The following TSC22D2 variants were observed in gnomAD, a reference collection of about 807,000 sequenced individuals.
TSC22D2 encodes TSC22 domain family member 2.
In TSC22D2, 5 loss-of-function variants were observed where a neutral mutation model predicts 50.1. The observed-to-expected ratio is 0.10, with a 90% CI of 0.05 to 0.21. The LOEUF is 0.21. Among genes scored for constraint, TSC22D2 ranks in the 10% least tolerant of loss-of-function variants. The pLI is 1.00. For synonymous variants in TSC22D2, 501 were observed against 450.1 expected (o/e 1.11, Z -1.43); for missense variants, 1,003 against 1,015.5 (o/e 0.99, Z 0.17).
chr3:150,453,109 T>C (rs1294023936), intron 1 of TSC22D2, among the ~76,000 whole-genome samples: 1 of 152,190 alleles, frequency 6.6e-6, no homozygotes, highest in Non-Finnish European at 1.5e-5. Context: ...ATATTTATAC[T>C]ACCACCATTG....
intron 1 of TSC22D2, among the ~76,000 whole-genome samples, chr3:150,414,297 T>C (rs987928455): frequency 6.6e-6 from 1 of 152,210 alleles, no homozygotes; most frequent in African/African-American, 2.4e-5. Flanking sequence ...GAAAATACAG[T>C]CCTTAAATAT....
chr3:150,458,681 C>G lies in TSC22D2; in HGVS notation c.*45C>G, dbSNP rs1721274436. The G allele has an allele frequency of 1.2e-6, 2 of 1,602,092 alleles. No homozygotes were observed. The highest frequency in any genetic ancestry group is 1.7e-6 in the Non-Finnish European group (2 of 1,174,070). On this transcript the variant is annotated 3_prime_UTR_variant, in exon 3 of 3. Transcript: ENST00000688009. Reference sequence around the variant, plus strand: ...AAGAAAAAAACTGAAAGCAATCTATCCTTGTGTGCCACTGGTGTTCTTTCC... The same window carrying G: ...AAGAAAAAAACTGAAAGCAATCTATGCTTGTGTGCCACTGGTGTTCTTTCC...
At chr3:150,424,232 A>G (rs565694938) in intron 1 of TSC22D2, among the ~76,000 whole-genome samples, 1 of 152,340 alleles carries the variant, frequency 6.6e-6, no homozygotes, top group South Asian at 2.1e-4. Flanking sequence ...TTCTGTAGCC[A>G]TTTAAATTAA....
intron 1 of TSC22D2, among the ~76,000 whole-genome samples, chr3:150,440,336 T>C (rs958380809): frequency 6.6e-6 from 1 of 152,186 alleles, no homozygotes; most frequent in Non-Finnish European, 1.5e-5. Context: ...TCTTTTATTA[T>C]TTGCCAAAAA....
At chr3:150,416,015 A>C (rs1247167427) in intron 1 of TSC22D2, among the ~76,000 whole-genome samples, 4 of 152,204 alleles carry the variant, frequency 2.6e-5, no homozygotes, top group Non-Finnish European at 4.4e-5. Context: ...TTCCTAATAA[A>C]GGAATGGTAG....
intron 1 of TSC22D2, among the ~76,000 whole-genome samples, chr3:150,449,647 T>A (rs1720982831): frequency 6.6e-6 from 1 of 152,154 alleles, no homozygotes; most frequent in African/African-American, 2.4e-5. Flanking sequence ...CCAGAAGCAT[T>A]GCTGTTATAA....
intron 1 of TSC22D2, among the ~76,000 whole-genome samples, chr3:150,442,334 C>T (rs555077143): frequency 1.1e-4 from 16 of 152,262 alleles, no homozygotes; most frequent in African/African-American, 3.6e-4. Context: ...GTTTATTTGA[C>T]GTTGTATCCC....
intron 1 of TSC22D2, among the ~76,000 whole-genome samples, chr3:150,425,621 A>G (rs1163717466): frequency 6.6e-6 from 1 of 152,196 alleles, no homozygotes; most frequent in Non-Finnish European, 1.5e-5. Flanking sequence ...CTATTACTAG[A>G]TAACAGATTT....
intron 1 of TSC22D2, among the ~76,000 whole-genome samples, chr3:150,444,988 A>C (rs1301251263): frequency 2.0e-5 from 3 of 152,146 alleles, no homozygotes; most frequent in African/African-American, 7.2e-5. Context: ...TTTATTGTTG[A>C]ATTTTCATAT....
chr3:150,450,831 A>C (rs1020948585), intron 1 of TSC22D2, among the ~76,000 whole-genome samples: 1 of 152,202 alleles, frequency 6.6e-6, no homozygotes, highest in African/African-American at 2.4e-5. Flanking sequence ...TTTCTAAAAA[A>C]ATAAAACATG....
Position 150,409,805 on chromosome 3 carries a change from C to G in TSC22D2, c.455C>G (p.Ser152Cys), listed in dbSNP as rs759574717. ...GCCGGGCCAGTGACTGCAGCCCCAT[C>G]TCAGCCTCCCACCACATGTAGTTCC... Reference protein sequence around the residue: ...SSAGPVTAAPSQPPTTCSSRF... With the variant: ...SSAGPVTAAPCQPPTTCSSRF... Residue 152 changes from serine (S) to cysteine (C), a missense_variant, in exon 1 of 3, where the codon TCT (serine) becomes TGT (cysteine). Coordinates refer to ENST00000688009, the MANE Select transcript of TSC22D2 (RefSeq NM_001303264.2). The surrounding 1 kb of genome is among the most constrained non-coding windows in gnomAD (Gnocchi z 7.4). 1 of 1,603,810 alleles carries G rather than the reference C, an allele frequency of 6.2e-7. No homozygotes were observed. The highest frequency in any genetic ancestry group is 8.5e-7 in the Non-Finnish European group (1 of 1,179,960).
In TSC22D2 at chr3:150,458,784, C is replaced by T; in HGVS notation, c.*148C>T. The T allele has an allele frequency of 2.0e-6, 2 of 981,570 alleles. No homozygotes were observed. Among genetic ancestry groups the T allele is most frequent in the Non-Finnish European group, 3.0e-6 (2 of 669,570 alleles). 60.8% of individuals were successfully genotyped at this position (981,570 alleles called of 1,614,324 possible). On this transcript the variant is annotated 3_prime_UTR_variant, in exon 3 of 3. Transcript: ENST00000688009. Reference sequence around the variant, plus strand: ...GTATTAGACAATCATTCTACAAGAGCTTTTCCTCTCTCTGAGATGTCATGC... The same window carrying T: ...GTATTAGACAATCATTCTACAAGAGTTTTTCCTCTCTCTGAGATGTCATGC...
At chr3:150,428,994 C>A (rs1313088219) in intron 1 of TSC22D2, among the ~76,000 whole-genome samples, 1 of 152,078 alleles carries the variant, frequency 6.6e-6, no homozygotes, top group Non-Finnish European at 1.5e-5. Context: ...ATTTCCCCAA[C>A]TTTTCTAAAT....
chr3:150,442,873 T>C (rs901159011), intron 1 of TSC22D2, among the ~76,000 whole-genome samples: 2 of 151,770 alleles, frequency 1.3e-5, no homozygotes, highest in Non-Finnish European at 2.9e-5. Flanking sequence ...AGCCCAGGAG[T>C]TTAAGGCAGC....
chr3:150,441,329 G>A (rs969973818), intron 1 of TSC22D2, among the ~76,000 whole-genome samples: 3 of 152,124 alleles, frequency 2.0e-5, no homozygotes, highest in African/African-American at 7.2e-5. Context: ...ATACTGATAT[G>A]TGATACGTTT....
Position 150,411,017 on chromosome 3 carries a change from A to G in TSC22D2, c.1667A>G (p.His556Arg), listed in dbSNP as rs1719536274. ...AGCAGGAGCAGCAGCATAATCCAGC[A>G]TGTTGGGCTGCCCTTAGCGCCAGGC... ...PVSRSSSIIQ[H>R]VGLPLAPGTH... The change falls in exon 1 of 3, where the codon CAT (histidine) becomes CGT (arginine). Residue 556 changes from histidine (H) to arginine (R), a missense_variant. By Grantham distance (29) the His-to-Arg change is conservative. Coordinates refer to ENST00000688009, the MANE Select transcript of TSC22D2 (RefSeq NM_001303264.2). 3.1e-6 allele frequency: 5 copies of G among 1,614,224 alleles called. No homozygotes were observed. The highest frequency in any genetic ancestry group is 4.2e-6 in the Non-Finnish European group (5 of 1,180,024).
Position 150,431,747 on chromosome 3 carries a change from T to C in TSC22D2, c.1958+20439T>C, listed in dbSNP as rs1720388049. 2.6e-5 allele frequency among the ~76,000 whole-genome samples: 4 copies of C among 152,292 alleles called. No individual in the cohort carries two copies. In the South Asian group the frequency reaches 8.3e-4, roughly 32 times the overall value. ...GTGAAGTTTTATAAGGGGAGGTCTT[T>C]TATTGCTCAGAGTTGGGTGGTGGGT... On this transcript the variant is annotated intron_variant, in intron 1 of 2. Coordinates refer to ENST00000688009, the MANE Select transcript of TSC22D2 (RefSeq NM_001303264.2).
Position 150,409,407 on chromosome 3 carries a change from G to C in TSC22D2, c.57G>C (p.Thr19=), listed in dbSNP as rs575217497. ...GCTTCCAGATCACCAGTGTCACCAC[G>C]GCCCAGGTGGCCACTAGCATCACCG... The part of the protein sequence containing the change: ...KSCFQITSVT[T]AQVATSITED... Residue 19 remains threonine (T), a synonymous_variant, in exon 1 of 3, where the codon ACG becomes ACC. Coordinates refer to ENST00000688009, the MANE Select transcript of TSC22D2 (RefSeq NM_001303264.2). The surrounding 1 kb of genome is among the most constrained non-coding windows in gnomAD (Gnocchi z 7.4). 6.2e-7 allele frequency: 1 copy of C among 1,612,162 alleles called. No homozygotes were observed. Among genetic ancestry groups the C allele is most frequent in the South Asian group, 1.1e-5 (1 of 91,026 alleles).
At chr3:150,414,559 C>A (rs1296209105) in intron 1 of TSC22D2, among the ~76,000 whole-genome samples, 1 of 152,082 alleles carries the variant, frequency 6.6e-6, no homozygotes, top group Non-Finnish European at 1.5e-5. Context: ...TCTAAGGATC[C>A]TTTGGTGGCA....
Sources: allele counts gnomAD v4.1 joint callset (sites outside exome capture counted in the v4.1 genomes callset), GRCh38; gene constraint gnomAD v4.1.1; non-coding constraint Gnocchi (gnomAD v3.1); transcripts MANE v1.5; gene names NCBI Gene and HGNC (gene_info 2026-07-23, HGNC 2026-07-21).